CD34: variants seen among roughly 807,000 people sequenced by gnomAD.
The protein encoded by CD34 is hematopoietic progenitor cell antigen CD34.
Under a neutral mutation model 40.1 loss-of-function variants are expected in CD34, and 34 were observed. The ratio of observed to expected loss-of-function variants is 0.85; its 90% confidence interval spans 0.65 to 1.13. The LOEUF (loss-of-function observed/expected upper bound fraction) is 1.13, where lower values mean the gene tolerates loss of function less well. Ranked by LOEUF, CD34 falls within the 50% of genes most tolerant of loss-of-function variation. CD34 has a pLI of 0.00. For missense variants in CD34, 426 were observed against 466.9 expected, an observed-to-expected ratio of 0.91 and a Z score of 0.81; for synonymous variants, 209 against 190.0, an observed-to-expected ratio of 1.10 and a Z score of -0.82.
intron 1 of CD34, among the ~76,000 whole-genome samples, chr1:207,909,082 C>A (rs1662446355): frequency 6.6e-6 from 1 of 152,172 alleles, no homozygotes; most frequent in Non-Finnish European, 1.5e-5. Context: ...CTAGAAAGCT[C>A]TTGGGAAGGG....
rs374187594 is a variant in CD34, at chr1:207,894,871, C to T, written c.597+2622G>A. ...CTACAGAATGCACATACAGAAGACA[C>T]GCCTACAGAATCCACATAGGGTGAG... On this transcript the variant is annotated intron_variant, in intron 4 of 7. Coordinates refer to ENST00000310833, the MANE Select transcript of CD34 (RefSeq NM_001025109.2). Among the ~76,000 whole-genome samples the T allele has an allele frequency of 3.9e-5, 6 of 151,994 alleles. No individual in the cohort carries two copies. The East Asian group carries it at 5.8e-4, about 15-fold the overall frequency.
intron 1 of CD34, among the ~76,000 whole-genome samples, chr1:207,903,465 A>AT (rs768899031): frequency 2.6e-5 from 4 of 152,344 alleles, no homozygotes; most frequent in Non-Finnish European, 4.4e-5. Context: ...TTAAAGTTGA[A>AT]TAAAAAGCTC....
At chr1:207,903,997 G>T (rs1232584029) in intron 1 of CD34, among the ~76,000 whole-genome samples, 1 of 152,144 alleles carries the variant, frequency 6.6e-6, no homozygotes, top group Non-Finnish European at 1.5e-5. Flanking sequence ...CTTTTCGGGG[G>T]GGTATTCTAA....
chr1:207,888,139 G>A lies in CD34; in HGVS notation c.973-216C>T, dbSNP rs762026589. On this transcript the variant is annotated intron_variant, in intron 7 of 7. Transcript: ENST00000310833. ...AGCTCCTAGAGGAGAAAGGACATAG[G>A]AGAGGCACCACACCATGCCACCGCA... 5.0e-6 allele frequency: 8 copies of A among 1,613,688 alleles called. No homozygotes were observed. In the African/African-American group the frequency reaches 1.1e-4, roughly 22 times the overall value.
Position 207,887,722 on chromosome 1 carries a change from GC to G in CD34, c.*15del. On this transcript the variant is annotated 3_prime_UTR_variant, in exon 8 of 8. Coordinates refer to ENST00000310833, the MANE Select transcript of CD34 (RefSeq NM_001025109.2). ...GCTCTCTCGGACACTGCCCAGCCTT[GC>G]CCCACCTAGCCGAGTCACAATTCGG... 4 of 1,614,054 alleles carry G rather than the reference GC, an allele frequency of 2.5e-6. No homozygotes were observed. Among genetic ancestry groups the G allele is most frequent in the Non-Finnish European group, 3.4e-6 (4 of 1,179,988 alleles).
intron 1 of CD34, among the ~76,000 whole-genome samples, chr1:207,901,437 G>A (rs1477646710): frequency 6.6e-6 from 1 of 152,280 alleles, no homozygotes; most frequent in Non-Finnish European, 1.5e-5. Context: ...GCCAAATGAT[G>A]ACTGCTTGCA....
At chr1:207,908,539 G>A (rs907786493) in intron 1 of CD34, among the ~76,000 whole-genome samples, 1 of 152,220 alleles carries the variant, frequency 6.6e-6, no homozygotes, top group Non-Finnish European at 1.5e-5. Context: ...TGGGTGTGGG[G>A]TCAGCAGGCA....
At chr1:207,908,418 C>A (rs1662432386) in intron 1 of CD34, among the ~76,000 whole-genome samples, 1 of 152,238 alleles carries the variant, frequency 6.6e-6, no homozygotes, top group African/African-American at 2.4e-5. Flanking sequence ...CCTCCTCTGT[C>A]GCCATATGGC....
At chr1:207,889,327 G>C (rs954304661) in intron 5 of CD34, 114 bp from the exon 6 acceptor site, 2 of 1,560,378 alleles carry the variant, frequency 1.3e-6, no homozygotes, top group East Asian at 2.3e-5. Flanking sequence ...ATCTCGGGGG[G>C]ACCGCTCCCA....
At chr1:207,891,876 G>A (rs1292687699) in intron 4 of CD34, among the ~76,000 whole-genome samples, 1 of 151,948 alleles carries the variant, frequency 6.6e-6, no homozygotes, top group African/African-American at 2.4e-5. Context: ...CAACCAAAGT[G>A]CTATGGACAT....
intron 1 of CD34, among the ~76,000 whole-genome samples, chr1:207,907,265 C>T (rs1662401161): frequency 6.6e-6 from 1 of 152,128 alleles, no homozygotes; most frequent in Non-Finnish European, 1.5e-5. Flanking sequence ...AGGTCTTTTC[C>T]ATCCTCCACC....
At chr1:207,890,006 G>C in intron 4 of CD34, 2 of 1,405,174 alleles carry the variant, frequency 1.4e-6, no homozygotes, top group Non-Finnish European at 1.8e-6. Context: ...GATTACAGCA[G>C]TCCCCAATGA....
chr1:207,900,903 T>C (rs1016977012), intron 1 of CD34, among the ~76,000 whole-genome samples: 1 of 152,168 alleles, frequency 6.6e-6, no homozygotes, highest in African/African-American at 2.4e-5. Context: ...TAAGTTATTA[T>C]AGTATTATAG....
At chr1:207,903,910 C>G (rs909642327) in intron 1 of CD34, among the ~76,000 whole-genome samples, 1 of 152,072 alleles carries the variant, frequency 6.6e-6, no homozygotes, top group Non-Finnish European at 1.5e-5. Context: ...GATATCTATA[C>G]CTTAATAAGC....
rs1661815145 is a variant in CD34, at chr1:207,881,712, A to G, written c.*6026T>C. The G allele has an allele frequency of 6.6e-6, 1 of 151,336 alleles. No individual in the cohort carries two copies. Among genetic ancestry groups the G allele is most frequent in the African/African-American group, 2.4e-5 (1 of 41,270 alleles). 9.4% of individuals were successfully genotyped at this position (151,336 alleles called of 1,614,324 possible). On this transcript the variant is annotated 3_prime_UTR_variant, in exon 8 of 8. Coordinates refer to ENST00000310833, the MANE Select transcript of CD34 (RefSeq NM_001025109.2). ...GCATTCTTCTCTTCAGCCAGATATT[A>G]GAGAGATTTACCAAAGTCTAAAACA... is the stretch of plus-strand genomic sequence containing the variant.
In CD34 at chr1:207,887,605, A is replaced by G. The variant is rs1002140485; in HGVS notation, c.*133T>C. 25 of 1,294,918 alleles carry G rather than the reference A, an allele frequency of 1.9e-5. No homozygotes were observed. The highest frequency in any genetic ancestry group is 1.5e-5 in the Non-Finnish European group (14 of 948,400). 80.2% of individuals were successfully genotyped at this position (1,294,918 alleles called of 1,614,324 possible). On this transcript the variant is annotated 3_prime_UTR_variant, in exon 8 of 8. Transcript: ENST00000310833. ...CCTCAAGGTGTAGGGCCCCAAGAAC[A>G]GCCTCTGAGGTGTGTGCAGTGGGGA... is the stretch of plus-strand genomic sequence containing the variant.
intron 4 of CD34, chr1:207,890,042 G>A (rs568896671): frequency 1.5e-6 from 2 of 1,370,098 alleles, no homozygotes; most frequent in Admixed American, 7.4e-5. Context: ...GGGAGGTGAG[G>A]AGGAGAGAAC....
In CD34 at chr1:207,899,992, T is replaced by C. The variant is rs373533705; in HGVS notation, c.91A>G (p.Met31Val). The change falls in exon 2 of 8, where the codon ATG (methionine) becomes GTG (valine). Residue 31 changes from methionine to valine, a missense_variant. Physicochemically the swap from Met to Val is conservative, Grantham distance 21 (BLOSUM62 1). Coordinates refer to ENST00000310833, the MANE Select transcript of CD34 (RefSeq NM_001025109.2). Reference sequence around the variant, plus strand: ...GCAGTACCGTTGTTGTCAAGACTCATGAACCCAGAAGCTATAGGGAAACGA... The same window carrying C: ...GCAGTACCGTTGTTGTCAAGACTCACGAACCCAGAAGCTATAGGGAAACGA... ...CLLSLLPSGF[M>V]SLDNNGTATP... 7 of 1,610,218 alleles carry C rather than the reference T, an allele frequency of 4.3e-6. No individual in the cohort carries two copies. Among genetic ancestry groups the C allele is most frequent in the South Asian group, 1.1e-5 (1 of 90,554 alleles).
At chr1:207,897,201 G>A (rs1178998314) in intron 4 of CD34, among the ~76,000 whole-genome samples, 1 of 152,114 alleles carries the variant, frequency 6.6e-6, no homozygotes, top group Non-Finnish European at 1.5e-5. Context: ...AAGTACTACA[G>A]AGGAGGGGAA....
Sources: allele counts gnomAD v4.1 joint callset (sites outside exome capture counted in the v4.1 genomes callset), GRCh38; gene constraint gnomAD v4.1.1; transcripts MANE v1.5; gene names NCBI Gene and HGNC (gene_info 2026-07-23, HGNC 2026-07-21).